HDAC9: variants seen among roughly 807,000 people sequenced by gnomAD.
HDAC9 encodes the protein MEF-2 interacting transcription repressor (MITR) protein.
In HDAC9, 41 loss-of-function variants were observed where a neutral mutation model predicts 139.4. The observed-to-expected ratio is 0.29, with a 90% CI of 0.23 to 0.38. HDAC9 has a LOEUF of 0.38. HDAC9 is among the 10% of genes least tolerant of loss of function. The probability of loss-of-function intolerance (pLI) is 1.00; values close to 1 mark genes in which losing one functional copy is unlikely to be tolerated. For missense variants in HDAC9, 1,147 were observed against 1,297.0 expected (o/e 0.88, Z 1.78); for synonymous variants, 517 against 476.2 (o/e 1.09, Z -1.12).
At chr7:18,835,870 G>A (rs1368069319) in intron 20 of HDAC9, 30 bp from the exon 21 acceptor site, 1 of 1,421,872 alleles carries the variant, frequency 7.0e-7, no homozygotes, top group Non-Finnish European at 9.7e-7. Context: ...TCTCTTCTCT[G>A]CCCACCGTGG....
At chr7:18,392,086 G>A (rs533592301) in intron 1 of HDAC9, among the ~76,000 whole-genome samples, 38 of 152,126 alleles carry the variant, frequency 2.5e-4, no homozygotes, top group African/African-American at 7.2e-4. Context: ...GAGAAGTTTT[G>A]AGTCACACAG....
At chr7:18,194,234 G>T (rs1283323556) in intron 2 of HDAC9, among the ~76,000 whole-genome samples, 2 of 152,110 alleles carry the variant, frequency 1.3e-5, no homozygotes, top group African/African-American at 4.8e-5. Flanking sequence ...TTGATTATTA[G>T]TAGTTTTGAG....
At chr7:18,929,847 G>A (rs1804573360) in intron 22 of HDAC9, among the ~76,000 whole-genome samples, 1 of 152,022 alleles carries the variant, frequency 6.6e-6, no homozygotes, top group Non-Finnish European at 1.5e-5. Context: ...GCTGAGGCAG[G>A]AGAATTGCTT....
intron 12 of HDAC9, among the ~76,000 whole-genome samples, chr7:18,726,202 A>G (rs1562885885): frequency 1.3e-5 from 2 of 152,204 alleles, no homozygotes; most frequent in Non-Finnish European, 2.9e-5. Context: ...ATAATACGCA[A>G]TGAGTACAGT....
chr7:18,440,310 G>A (rs995579596), intron 1 of HDAC9, among the ~76,000 whole-genome samples: 5 of 150,908 alleles, frequency 3.3e-5, no homozygotes, highest in Admixed American at 2.0e-4. Flanking sequence ...TCAGCCTCCC[G>A]AGTACCTGGG....
rs73683038 is a variant in HDAC9 at position 18,636,241 on chromosome 7, A to G, written c.912+1499A>G. On this transcript the variant is annotated intron_variant, in intron 8 of 25. Transcript: ENST00000686413. ...GCTGACACCCCAGAGGCCTGTATCTATGTTACATTGATTAGTTGACTGCCC... is the reference window on the plus strand; with the variant it reads ...GCTGACACCCCAGAGGCCTGTATCTGTGTTACATTGATTAGTTGACTGCCC... Among the ~76,000 whole-genome samples, 1,236 of 152,198 alleles carry G rather than the reference A, an allele frequency of 8.1e-3. 18 individuals carry two copies. The highest frequency in any genetic ancestry group is 0.028 in the African/African-American group (1,172 of 41,552).
At chr7:18,375,107 C>T (rs182221846) in intron 1 of HDAC9, among the ~76,000 whole-genome samples, 36 of 152,248 alleles carry the variant, frequency 2.4e-4, no homozygotes, top group African/African-American at 8.4e-4. Context: ...TAAACAGCCT[C>T]AGGCTGGTCC....
intron 2 of HDAC9, among the ~76,000 whole-genome samples, chr7:18,173,365 CT>C (rs1562706608): frequency 6.6e-6 from 1 of 152,156 alleles, no homozygotes; most frequent in African/African-American, 2.4e-5. Flanking sequence ...TCAGATGGGT[CT>C]CCTGAATACA....
chr7:18,511,523 G>A (rs2128187971), intron 2 of HDAC9, among the ~76,000 whole-genome samples: 1 of 152,118 alleles, frequency 6.6e-6, no homozygotes, highest in Non-Finnish European at 1.5e-5. Context: ...CTTGAGCCAG[G>A]AAGTCAAGGC....
At chr7:18,296,859 G>A (rs761385298) in intron 1 of HDAC9, among the ~76,000 whole-genome samples, 3 of 152,202 alleles carry the variant, frequency 2.0e-5, no homozygotes, top group Non-Finnish European at 2.9e-5. Flanking sequence ...TAAACACAGT[G>A]TTAGAATGGA....
intron 5 of HDAC9, among the ~76,000 whole-genome samples, chr7:18,592,133 A>G (rs1831170624): frequency 6.6e-6 from 1 of 152,052 alleles, no homozygotes; most frequent in Non-Finnish European, 1.5e-5. Context: ...TTTTGTCTCA[A>G]ATGAAGAAAA....
intron 24 of HDAC9, among the ~76,000 whole-genome samples, chr7:18,970,470 CAT>C (rs1784176021): frequency 6.6e-6 from 1 of 152,082 alleles, no homozygotes; most frequent in Admixed American, 6.6e-5. Context: ...ATTTCCAAAA[CAT>C]ATAATTTTTA....
chr7:18,423,127 C>T (rs886927329), intron 1 of HDAC9, among the ~76,000 whole-genome samples: 5 of 152,074 alleles, frequency 3.3e-5, no homozygotes, highest in African/African-American at 1.2e-4. Context: ...GTCCAATTAC[C>T]TAGAACACTA....
At chr7:18,970,911 G>A (rs985871468) in intron 24 of HDAC9, among the ~76,000 whole-genome samples, 1 of 152,120 alleles carries the variant, frequency 6.6e-6, no homozygotes, top group Non-Finnish European at 1.5e-5. Context: ...GTAGCAAAGG[G>A]GTTTGAATTG....
chr7:18,797,554 G>A (rs541700396), intron 17 of HDAC9, among the ~76,000 whole-genome samples: 49 of 151,944 alleles, frequency 3.2e-4, no homozygotes, highest in Admixed American at 6.6e-4. Flanking sequence ...ATGGCCCTGC[G>A]CAGTGGTTCA....
At chr7:18,255,900 T>C (rs1200317421) in intron 2 of HDAC9, among the ~76,000 whole-genome samples, 2 of 152,110 alleles carry the variant, frequency 1.3e-5, no homozygotes, top group African/African-American at 4.8e-5. Context: ...GTGTTGGGAT[T>C]ATAGGTGTGA....
intron 21 of HDAC9, among the ~76,000 whole-genome samples, chr7:18,865,637 C>G (rs1798435326): frequency 6.6e-6 from 1 of 152,160 alleles, no homozygotes. Context: ...GGGGGCTGTT[C>G]TGCAGCACTA....
intron 14 of HDAC9, among the ~76,000 whole-genome samples, chr7:18,757,789 G>C (rs1447253935): frequency 6.6e-6 from 1 of 152,040 alleles, no homozygotes; most frequent in South Asian, 2.1e-4. Flanking sequence ...GTCACAGTAT[G>C]ACTTTGTAGA....
chr7:18,095,985 A>AT (rs1384373937), intron 1 of HDAC9, among the ~76,000 whole-genome samples: 3 of 152,220 alleles, frequency 2.0e-5, no homozygotes, highest in Non-Finnish European at 4.4e-5. Flanking sequence ...GCTCAGGATA[A>AT]TCAGGCTTTA....
Sources: gnomAD v4.1 joint callset for allele counts (sites outside exome capture counted in the v4.1 genomes callset) on GRCh38, gnomAD v4.1.1 for gene constraint, MANE v1.5 for transcripts, NCBI Gene and HGNC (gene_info 2026-07-23, HGNC 2026-07-21) for gene names.